The following STAT5B variants were observed in gnomAD, a reference collection of about 807,000 sequenced individuals.
The protein encoded by STAT5B is signal transducer and activator of transcription 5B.
A neutral mutation model predicts 107.8 loss-of-function variants in STAT5B; 21 were observed. The ratio of observed to expected loss-of-function variants is 0.19; its 90% CI spans 0.14 to 0.28. The LOEUF (loss-of-function observed/expected upper bound fraction) is 0.28. STAT5B is among the 10% of genes least tolerant of loss of function. STAT5B has a pLI of 1.00. For synonymous variants in STAT5B, 325 were observed against 401.7 expected (o/e 0.81, Z 2.28); for missense variants, 565 against 1,008.2 (o/e 0.56, Z 5.95).
In STAT5B at chr17:42,235,650, G is replaced by T. The variant is rs2080351001; in HGVS notation, c.-10-3513C>A. ...ACACCGCCACGCCCAGCTAAGTTTT[G>T]TATTTTTAGTAGAGATGGGGTTTCA... is the stretch of plus-strand genomic sequence containing the variant. On this transcript the variant is annotated intron_variant, in intron 1 of 18. Transcript: ENST00000293328. 2.0e-5 allele frequency among the ~76,000 whole-genome samples: 3 copies of T among 152,040 alleles called. No individual in the cohort carries two copies. In the East Asian group the frequency reaches 5.8e-4, roughly 29 times the overall value.
At chr17:42,224,032 T>C (rs2080252781) in intron 4 of STAT5B, among the ~76,000 whole-genome samples, 1 of 152,050 alleles carries the variant, frequency 6.6e-6, no homozygotes, top group Non-Finnish European at 1.5e-5. Context: ...GATGGAATCA[T>C]TTGCTTCCAC....
At chr17:42,227,898 T>C (rs1190526829) in intron 2 of STAT5B, among the ~76,000 whole-genome samples, 3 of 152,032 alleles carry the variant, frequency 2.0e-5, no homozygotes, top group Non-Finnish European at 2.9e-5. Context: ...GATTTCCTTC[T>C]TTTAAAAAAA....
chr17:42,264,773 G>A (rs1414163668), intron 1 of STAT5B, among the ~76,000 whole-genome samples: 61 of 139,346 alleles, frequency 4.4e-4, no homozygotes, highest in Non-Finnish European at 8.2e-4. Context: ...GATCCCTGAG[G>A]AATCGCCACA....
intron 1 of STAT5B, among the ~76,000 whole-genome samples, chr17:42,255,781 C>T (rs549505825): frequency 2.0e-4 from 30 of 152,306 alleles, no homozygotes; most frequent in Middle Eastern, 3.4e-3. Context: ...CTTAATGCCA[C>T]GGAACTGTAC....
intron 9 of STAT5B, 64 bp downstream of exon 9, chr17:42,218,087 C>A: frequency 6.4e-7 from 1 of 1,573,834 alleles, no homozygotes; most frequent in Non-Finnish European, 8.6e-7. Flanking sequence ...AGGCAGAATT[C>A]TTTTTTTCCT....
chr17:42,246,634 TAAA>T (rs1567671134), intron 1 of STAT5B, among the ~76,000 whole-genome samples: 1 of 152,022 alleles, frequency 6.6e-6, no homozygotes, highest in Non-Finnish European at 1.5e-5. Flanking sequence ...TTCTTTAAAA[TAAA>T]AAACTTTCTA....
intron 1 of STAT5B, among the ~76,000 whole-genome samples, chr17:42,247,485 A>T (rs1441720377): frequency 6.6e-6 from 1 of 152,242 alleles, no homozygotes; most frequent in Non-Finnish European, 1.5e-5. Context: ...CTTTTAAGAG[A>T]GAAACGCTTC....
chr17:42,249,954 A>C (rs997199824), intron 1 of STAT5B, among the ~76,000 whole-genome samples: 1 of 152,074 alleles, frequency 6.6e-6, no homozygotes, highest in Non-Finnish European at 1.5e-5. Context: ...GAGCCACTGC[A>C]CCAAACCCAG....
chr17:42,280,874 C>T (rs1395079629), upstream of STAT5B, among the ~76,000 whole-genome samples: 1 of 152,154 alleles, frequency 6.6e-6, no homozygotes, highest in African/African-American at 2.4e-5. Context: ...GTGGCTCACA[C>T]CTGTAATCCC....
At chr17:42,270,722 GCAGTGGC>G (rs2080716265) in intron 1 of STAT5B, 1 of 152,124 alleles carries the variant, frequency 6.6e-6, no homozygotes, top group Non-Finnish European at 1.5e-5. Context: ...TAACAAAGTG[GCAGTGGC>G]CAGCTCGCTT....
At chr17:42,265,733 G>A (rs1253438417) in intron 1 of STAT5B, among the ~76,000 whole-genome samples, 3 of 152,154 alleles carry the variant, frequency 2.0e-5, no homozygotes, top group African/African-American at 7.2e-5. Flanking sequence ...CAACCAATGA[G>A]TATGAAAGTG....
chr17:42,239,246 CAAAAAAAAAAAA>C lies in STAT5B; in HGVS notation c.-10-7121_-10-7110del, dbSNP rs770177992. On this transcript the variant is annotated intron_variant, in intron 1 of 18. Coordinates refer to ENST00000293328, the MANE Select transcript of STAT5B (RefSeq NM_012448.4). ...CTGGCGACAGAGCAAGACTCTGTCT[CAAAAAAAAAAAA>C]AAAAAAAAAGGAGAAGAAAACTACC... Among the ~76,000 whole-genome samples the C allele has an allele frequency of 4.4e-3, 230 of 52,518 alleles. 1 individual carries two copies. Among genetic ancestry groups the C allele is most frequent in the African/African-American group, 0.012 (213 of 17,536 alleles). The allele number at this position is 52,518 out of a possible 152,430, so 34.5% of individuals were successfully genotyped here. A position where few individuals can be genotyped will look rare whatever the true frequency, so the allele number is the denominator to read the frequency against.
chr17:42,257,280 A>AT (rs1217327057), intron 1 of STAT5B, among the ~76,000 whole-genome samples: 3 of 152,226 alleles, frequency 2.0e-5, no homozygotes, highest in African/African-American at 7.2e-5. Context: ...GAGAAAACAG[A>AT]TACCACCTGA....
At chr17:42,211,335 C>T (rs1395475957) in intron 13 of STAT5B, among the ~76,000 whole-genome samples, 1 of 151,968 alleles carries the variant, frequency 6.6e-6, no homozygotes, top group African/African-American at 2.4e-5. Flanking sequence ...TGGAGAAACC[C>T]CGTCTCCACT....
At chr17:42,253,930 A>T (rs1350716212) in intron 1 of STAT5B, among the ~76,000 whole-genome samples, 1 of 152,164 alleles carries the variant, frequency 6.6e-6, no homozygotes, top group Non-Finnish European at 1.5e-5. Context: ...AATTTTAAAA[A>T]TAACTTTCAT....
chr17:42,266,726 C>A (rs2080676314), intron 1 of STAT5B, among the ~76,000 whole-genome samples: 1 of 151,816 alleles, frequency 6.6e-6, no homozygotes. Context: ...TAACTATGTG[C>A]ATTTTTCTGG....
At chr17:42,211,270 G>A (rs971499732) in intron 13 of STAT5B, among the ~76,000 whole-genome samples, 20 of 152,022 alleles carry the variant, frequency 1.3e-4, no homozygotes, top group Non-Finnish European at 2.2e-4. Flanking sequence ...CACTTTGGGA[G>A]GCCGAGGCGG....
rs374169439 is a variant in STAT5B at position 42,232,816 on chromosome 17, A to G, written c.-10-679T>C. ...GTCAGCCATGGTAAGCAGCATTTCA[A>G]CAGTAATAAATAATTAGCAGAGAGT... On this transcript the variant is annotated intron_variant, in intron 1 of 18. Coordinates refer to ENST00000293328, the MANE Select transcript of STAT5B (RefSeq NM_012448.4). 6.6e-5 allele frequency among the ~76,000 whole-genome samples: 10 copies of G among 151,964 alleles called. No individual in the cohort carries two copies. In the East Asian group the frequency reaches 1.3e-3, roughly 20 times the overall value.
rs557803050 is a variant in STAT5B at position 42,236,198 on chromosome 17, C to T, written c.-10-4061G>A. 5.9e-5 allele frequency among the ~76,000 whole-genome samples: 9 copies of T among 152,278 alleles called. No individual in the cohort carries two copies. The South Asian group carries it at 1.9e-3, about 32-fold the overall frequency. Reference sequence around the variant, plus strand: ...TGATAAATACAATATAGTTTCACTACACATAAGTGCTTTGATAGAGCTGGA... The same window carrying T: ...TGATAAATACAATATAGTTTCACTATACATAAGTGCTTTGATAGAGCTGGA... On this transcript the variant is annotated intron_variant, in intron 1 of 18. Coordinates refer to ENST00000293328, the MANE Select transcript of STAT5B (RefSeq NM_012448.4).
Sources: allele counts gnomAD v4.1 joint callset (sites outside exome capture counted in the v4.1 genomes callset), GRCh38; gene constraint gnomAD v4.1.1; transcripts MANE v1.5; gene names NCBI Gene and HGNC (gene_info 2026-07-23, HGNC 2026-07-21).